Variants in LITAF observed in about 807,000 individuals in gnomAD.
LITAF encodes lipopolysaccharide-induced tumor necrosis factor-alpha factor.
In LITAF, 9 loss-of-function variants were observed where a neutral mutation model predicts 14.5. The observed-to-expected ratio is 0.62, with a 90% CI of 0.37 to 1.08. LITAF has a LOEUF of 1.08. LITAF is among the 50% of genes least tolerant of loss of function. The pLI, the probability that LITAF is intolerant of heterozygous loss-of-function variation, is 0.01. For synonymous variants in LITAF, 98 were observed against 88.2 expected (o/e 1.11, Z -0.62); for missense variants, 206 against 213.4 (o/e 0.97, Z 0.22).
Position 11,553,509 on chromosome 16 carries a change from G to A in LITAF, c.377+24C>T. 1 of 1,613,394 alleles carries A rather than the reference G, an allele frequency of 6.2e-7. No homozygotes were observed. Among genetic ancestry groups the A allele is most frequent in the Non-Finnish European group, 8.5e-7 (1 of 1,179,884 alleles). The stretch of plus-strand genomic sequence containing the variant: ...CCAGAGAGAAGGGCAGGATGGCTTG[G>A]GGCCAAGTGGGAGGCAGACTCACCC... On this transcript the variant is annotated intron_variant, in intron 3 of 3. Transcript: ENST00000622633. The surrounding 1 kb of genome is among the most constrained non-coding windows in gnomAD (Gnocchi z 7.7).
At chr16:11,600,713 A>G (rs2064921435), upstream of LITAF, among the ~76,000 whole-genome samples, 1 of 152,062 alleles carries the variant, frequency 6.6e-6, no homozygotes. The surrounding 1 kb of genome is among the most constrained non-coding windows in gnomAD (Gnocchi z 4.1). Flanking sequence ...CACACTCCCC[A>G]TTCTGAGTCC....
chr16:11,571,346 C>T (rs1422357650), intron 1 of LITAF, among the ~76,000 whole-genome samples: 1 of 152,128 alleles, frequency 6.6e-6, no homozygotes, highest in Non-Finnish European at 1.5e-5. Context: ...GGATTACAGG[C>T]GTGAGCCACT....
upstream of LITAF, among the ~76,000 whole-genome samples, chr16:11,636,999 A>G (rs1413786285): frequency 6.6e-6 from 1 of 151,622 alleles, no homozygotes. Context: ...CCTCCTGGGT[A>G]GCTGGGATTA....
chr16:11,635,252 T>G (rs2141913046), intron 2 of LITAF, among the ~76,000 whole-genome samples: 1 of 152,260 alleles, frequency 6.6e-6, no homozygotes, highest in South Asian at 2.1e-4. Context: ...TAAAGACAGA[T>G]GCACCCACAG....
In LITAF at chr16:11,549,249, A is replaced by T. The variant is rs563808008; in HGVS notation, c.*388T>A. 1 of 435,622 alleles carries T rather than the reference A, an allele frequency of 2.3e-6. No homozygotes were observed. The highest frequency in any genetic ancestry group is 4.6e-6 in the Non-Finnish European group (1 of 217,656). The allele number at this position is 435,622 out of a possible 1,614,324, so 27.0% of individuals were successfully genotyped here. On this transcript the variant is annotated 3_prime_UTR_variant, in exon 4 of 4. Coordinates refer to ENST00000622633, the MANE Select transcript of LITAF (RefSeq NM_001136472.2). The surrounding 1 kb of genome is among the most constrained non-coding windows in gnomAD (Gnocchi z 4.6). ...GGCAGAACAGCCTCAAAAATAAGGCAACTGTGGCTTCTCAGTTTGAGACTG... is the reference window on the plus strand; with the variant it reads ...GGCAGAACAGCCTCAAAAATAAGGCTACTGTGGCTTCTCAGTTTGAGACTG...
chr16:11,638,066 CTA>C (rs1160965687), upstream of LITAF, among the ~76,000 whole-genome samples: 13 of 87,880 alleles, frequency 1.5e-4, 1 homozygote, highest in Admixed American at 3.6e-4. Flanking sequence ...ATATATATAT[CTA>C]TATATATATC....
At chr16:11,591,761 C>T (rs1231716050), upstream of LITAF, among the ~76,000 whole-genome samples, 1 of 152,120 alleles carries the variant, frequency 6.6e-6, no homozygotes, top group African/African-American at 2.4e-5. Flanking sequence ...TTGCCTCAGC[C>T]TCCCAGGTAG....
At chr16:11,592,881 C>T (rs565291212) in intron 1 of LITAF, among the ~76,000 whole-genome samples, 2 of 151,660 alleles carry the variant, frequency 1.3e-5, no homozygotes, top group East Asian at 3.9e-4. Flanking sequence ...GCTAAAAATA[C>T]AAAAATTGGC....
chr16:11,568,826 T>C (rs2064498277), intron 1 of LITAF, among the ~76,000 whole-genome samples: 1 of 152,020 alleles, frequency 6.6e-6, no homozygotes, highest in African/African-American at 2.4e-5. Flanking sequence ...ACTACAGGCA[T>C]GCGCCACCAA....
upstream of LITAF, among the ~76,000 whole-genome samples, chr16:11,589,758 A>C (rs2064837030): frequency 6.6e-6 from 1 of 150,936 alleles, no homozygotes; most frequent in African/African-American, 2.4e-5. Flanking sequence ...AGCTGGGACT[A>C]CAGGCATGTA....
Position 11,553,047 on chromosome 16 carries a change from G to A in LITAF, c.377+486C>T, listed in dbSNP as rs766247659. 2.0e-5 allele frequency among the ~76,000 whole-genome samples: 3 copies of A among 152,058 alleles called. No homozygotes were observed. The highest frequency in any genetic ancestry group is 2.0e-4 in the Admixed American group (3 of 15,258). On this transcript the variant is annotated intron_variant, in intron 3 of 3. Coordinates refer to ENST00000622633, the MANE Select transcript of LITAF (RefSeq NM_001136472.2). The surrounding 1 kb of genome is among the most constrained non-coding windows in gnomAD (Gnocchi z 7.7). ...GGAGAATAGCTTGAACCTGGGAGGC[G>A]GAGGTTGCAGTGAGCCGGGATCGTG...
At chr16:11,600,201 T>C (rs2064918514), upstream of LITAF, among the ~76,000 whole-genome samples, 1 of 152,140 alleles carries the variant, frequency 6.6e-6, no homozygotes, top group Non-Finnish European at 1.5e-5. This position sits in a 1 kb window ranked among gnomAD's most constrained non-coding sequence, Gnocchi z 4.1. Flanking sequence ...ATGGGATCTC[T>C]CTGTGTTGCC....
chr16:11,580,613 C>A (rs1217346585), intron 1 of LITAF, among the ~76,000 whole-genome samples: 2 of 152,096 alleles, frequency 1.3e-5, no homozygotes, highest in African/African-American at 4.8e-5. Context: ...CAAGCCATCA[C>A]CTGCTCTTCT....
At position 11,553,688 on chromosome 16, in the gene LITAF, A is replaced by G. The variant is rs778134412; in HGVS notation, c.222T>C (p.Ile74=). Residue 74 remains isoleucine, a splice_region_variant and synonymous_variant, in exon 3 of 4, where the codon ATT becomes ATC. Transcript: ENST00000622633. This position sits in a 1 kb window ranked among gnomAD's most constrained non-coding sequence, Gnocchi z 7.7. ...QPAPIPNNNP[I]TVQTVYVQHP... ...GCTGCACGTAGACCGTCTGCACGGT[A>G]ACTGATGAAAGGGAGAGGGACAAAC... The G allele has an allele frequency of 1.2e-6, 2 of 1,614,130 alleles. No homozygotes were observed. The highest frequency in any genetic ancestry group is 1.7e-6 in the Non-Finnish European group (2 of 1,179,982).
At chr16:11,636,295 GAAGTT>G (rs1382566205) in exon 1 of LITAF, 1 of 152,238 alleles carries the variant, frequency 6.6e-6, no homozygotes. Flanking sequence ...ACACCAGACT[GAAGTT>G]AAGAGCAGAA....
intron 1 of LITAF, among the ~76,000 whole-genome samples, chr16:11,574,364 C>A (rs1169677351): frequency 6.6e-6 from 1 of 152,020 alleles, no homozygotes; most frequent in Non-Finnish European, 1.5e-5. Flanking sequence ...ATATAATATG[C>A]AAAAAATGTC....
At chr16:11,626,873 G>A (rs2065087112) in intron 3 of LITAF, among the ~76,000 whole-genome samples, 1 of 151,460 alleles carries the variant, frequency 6.6e-6, no homozygotes, top group Non-Finnish European at 1.5e-5. Flanking sequence ...TTGAAATGGA[G>A]TCTCTGTCGC....
intron 1 of LITAF, among the ~76,000 whole-genome samples, chr16:11,592,851 T>C (rs188580210): frequency 2.0e-5 from 3 of 151,782 alleles, no homozygotes; most frequent in East Asian, 3.9e-4. Context: ...TCCTGGCCTA[T>C]GTGGCGAAAC....
At chr16:11,598,059 C>G (rs1222572494) in intron 1 of LITAF, among the ~76,000 whole-genome samples, 1 of 152,184 alleles carries the variant, frequency 6.6e-6, no homozygotes, top group Non-Finnish European at 1.5e-5. Flanking sequence ...GCATGCGCCA[C>G]CACGCCCGGG....
Sources: allele counts gnomAD v4.1 joint callset (sites outside exome capture counted in the v4.1 genomes callset), GRCh38; gene constraint gnomAD v4.1.1; non-coding constraint Gnocchi (gnomAD v3.1); transcripts MANE v1.5; gene names NCBI Gene and HGNC (gene_info 2026-07-23, HGNC 2026-07-21).